Variants in RBMS3 observed in about 807,000 individuals in gnomAD.
The protein encoded by RBMS3 is RNA binding motif single stranded interacting protein 3, also known as RNA-binding motif, single-stranded-interacting protein 3.
Under a neutral mutation model 66.8 loss-of-function variants are expected in RBMS3, and 27 were observed. The ratio of observed to expected loss-of-function variants is 0.40; its 90% CI spans 0.30 to 0.56. The LOEUF (loss-of-function observed/expected upper bound fraction) is 0.56. RBMS3 is among the 20% of genes least tolerant of loss of function. RBMS3 has a pLI of 0.40. For missense variants in RBMS3, 513 were observed against 549.5 expected, an observed-to-expected ratio of 0.93 and a Z score of 0.66; for synonymous variants, 188 against 183.0, an observed-to-expected ratio of 1.03 and a Z score of -0.22.
chr3:29,801,616 T>C (rs147181326), intron 6 of RBMS3, among the ~76,000 whole-genome samples: 1 of 152,236 alleles, frequency 6.6e-6, no homozygotes, highest in African/African-American at 2.4e-5. Context: ...ATCCAAATAT[T>C]TCATTTATTT....
chr3:29,998,786 CTT>C (rs1202960238), intron 14 of RBMS3, among the ~76,000 whole-genome samples: 1 of 152,140 alleles, frequency 6.6e-6, no homozygotes, highest in Admixed American at 6.5e-5. Flanking sequence ...GGATTAAAGA[CTT>C]AAATGTTAGA....
rs183858729 is a variant in RBMS3, at chr3:29,915,923, G to C, written c.939+16168G>C. ...TTTCTCTTGAGATGGACTAGGATAT[G>C]TTCCCTGTATTTCTGATTTGTAAAG... On this transcript the variant is annotated intron_variant, in intron 10 of 14. Coordinates refer to ENST00000383767, the MANE Select transcript of RBMS3 (RefSeq NM_001003793.3). Among the ~76,000 whole-genome samples, 26 of 152,088 alleles carry C rather than the reference G, an allele frequency of 1.7e-4. No individual in the cohort carries two copies. In the East Asian group the frequency reaches 4.6e-3, roughly 27 times the overall value.
At chr3:29,543,489 G>T (rs2045840269) in intron 3 of RBMS3, among the ~76,000 whole-genome samples, 2 of 152,090 alleles carry the variant, frequency 1.3e-5, no homozygotes. Flanking sequence ...CTGGTGGATT[G>T]CTTGAGCTCA....
At chr3:29,772,267 T>C (rs746960385) in intron 6 of RBMS3, among the ~76,000 whole-genome samples, 1 of 152,002 alleles carries the variant, frequency 6.6e-6, no homozygotes, top group Non-Finnish European at 1.5e-5. Flanking sequence ...TATACAACTG[T>C]GAGATAATAA....
chr3:29,566,750 G>T (rs1007527644), intron 3 of RBMS3, among the ~76,000 whole-genome samples: 4 of 152,040 alleles, frequency 2.6e-5, no homozygotes, highest in African/African-American at 9.7e-5. Flanking sequence ...GTTGCTGGGG[G>T]TGTGTGTGGA....
intron 3 of RBMS3, among the ~76,000 whole-genome samples, chr3:29,513,524 A>G (rs1257197602): frequency 6.6e-6 from 1 of 152,196 alleles, no homozygotes; most frequent in African/African-American, 2.4e-5. Flanking sequence ...CTTTCAGTTT[A>G]AAAACCTCAA....
At chr3:29,608,378 A>G (rs1025677393) in intron 4 of RBMS3, among the ~76,000 whole-genome samples, 3 of 152,014 alleles carry the variant, frequency 2.0e-5, no homozygotes, top group Non-Finnish European at 2.9e-5. Flanking sequence ...AGTGTAATAA[A>G]GCTAGTAGAA....
chr3:29,638,223 C>T (rs2049545928), intron 4 of RBMS3, among the ~76,000 whole-genome samples: 1 of 141,400 alleles, frequency 7.1e-6, no homozygotes, highest in Non-Finnish European at 1.5e-5. Context: ...AATGAGTTTT[C>T]TTGTAGTAAT....
chr3:29,331,957 G>A (rs2035690523), intron 1 of RBMS3, among the ~76,000 whole-genome samples: 1 of 151,314 alleles, frequency 6.6e-6, no homozygotes. Flanking sequence ...CTCTCAAACT[G>A]GACTGTGAAC....
At chr3:29,861,695 T>C (rs2059221146) in intron 6 of RBMS3, among the ~76,000 whole-genome samples, 1 of 152,228 alleles carries the variant, frequency 6.6e-6, no homozygotes, top group Non-Finnish European at 1.5e-5. Context: ...TTTGTTTGCT[T>C]GCTTAAAACA....
chr3:29,525,531 G>T (rs770682056), intron 3 of RBMS3, among the ~76,000 whole-genome samples: 5 of 152,212 alleles, frequency 3.3e-5, no homozygotes, highest in Non-Finnish European at 7.3e-5. Flanking sequence ...CTTATTAAAA[G>T]TAGCATGGTA....
chr3:29,526,715 A>G (rs114974335), intron 3 of RBMS3, among the ~76,000 whole-genome samples: 2,167 of 152,096 alleles, frequency 0.014, 45 homozygotes, highest in African/African-American at 0.048. Context: ...TATAATTTCT[A>G]CACTTAGTCT....
chr3:29,566,135 A>G (rs2046734437), intron 3 of RBMS3, among the ~76,000 whole-genome samples: 1 of 152,214 alleles, frequency 6.6e-6, no homozygotes, highest in East Asian at 1.9e-4. Context: ...GTAAGATGAT[A>G]TAGTTACAAA....
intron 4 of RBMS3, among the ~76,000 whole-genome samples, chr3:29,733,031 A>G (rs1044256268): frequency 6.6e-6 from 1 of 152,150 alleles, no homozygotes; most frequent in African/African-American, 2.4e-5. Context: ...TGAGATAGAT[A>G]AAGGGCCACA....
intron 4 of RBMS3, among the ~76,000 whole-genome samples, chr3:29,729,451 C>A (rs112165922): frequency 1.3e-5 from 2 of 151,878 alleles, no homozygotes; most frequent in Admixed American, 1.3e-4. Flanking sequence ...TAAACATACG[C>A]GTGCATGTGT....
chr3:29,951,953 CA>C (rs1695710251), intron 12 of RBMS3, among the ~76,000 whole-genome samples: 1 of 151,680 alleles, frequency 6.6e-6, no homozygotes, highest in Non-Finnish European at 1.5e-5. Flanking sequence ...AAATTATTAT[CA>C]TATGTGTTTT....
chr3:29,517,269 ATATGTGTGTG>A (rs558956539), intron 3 of RBMS3, among the ~76,000 whole-genome samples: 5,002 of 120,548 alleles, frequency 0.041, 121 homozygotes, highest in South Asian at 0.11. Context: ...GTGATTTCAT[ATATGTGTGTG>A]TGTGTGTGTG....
chr3:29,793,339 C>A (rs563200221), intron 6 of RBMS3, among the ~76,000 whole-genome samples: 1 of 151,744 alleles, frequency 6.6e-6, no homozygotes, highest in Non-Finnish European at 1.5e-5. Flanking sequence ...AAGTTAAGAC[C>A]GTCATAATTT....
intron 2 of RBMS3, among the ~76,000 whole-genome samples, chr3:29,449,643 C>T (rs1373911944): frequency 6.6e-6 from 1 of 152,196 alleles, no homozygotes; most frequent in Non-Finnish European, 1.5e-5. Context: ...AAAACACTTA[C>T]TATTATTTAC....
Sources: allele counts gnomAD v4.1 joint callset (sites outside exome capture counted in the v4.1 genomes callset), GRCh38; gene constraint gnomAD v4.1.1; transcripts MANE v1.5; gene names NCBI Gene and HGNC (gene_info 2026-07-23, HGNC 2026-07-21).